LARP1B: variants seen among roughly 807,000 people sequenced by gnomAD.
The protein encoded by LARP1B is la-related protein 1B.
LARP1B carries 76 observed loss-of-function variants against 114.2 expected under a neutral mutation model. That is an observed-to-expected ratio of 0.67 (90% CI 0.55 to 0.81). LARP1B has a LOEUF of 0.81. Ranked by LOEUF, LARP1B falls within the 30% of genes least tolerant of loss-of-function variation. The pLI, the probability that LARP1B is intolerant of heterozygous loss-of-function variation, is 0.00. For synonymous variants in LARP1B, 345 were observed against 348.0 expected, an observed-to-expected ratio of 0.99 and a Z score of 0.10; for missense variants, 1,014 against 1,075.8, an observed-to-expected ratio of 0.94 and a Z score of 0.80.
At chr4:128,078,180 A>G (rs1768760081) in intron 4 of LARP1B, among the ~76,000 whole-genome samples, 1 of 152,204 alleles carries the variant, frequency 6.6e-6, no homozygotes. Context: ...AGAAAATGGA[A>G]TGGAGTTCCA....
chr4:128,098,368 T>C, intron 8 of LARP1B, 38 bp downstream of exon 8: 1 of 1,555,088 alleles, frequency 6.4e-7, no homozygotes, highest in Non-Finnish European at 8.8e-7. Flanking sequence ...TACTTTCTGC[T>C]CAAATTTCCT....
Position 128,082,229 on chromosome 4 carries a change from T to G in LARP1B, c.282T>G (p.Pro94=). The G allele has an allele frequency of 6.2e-7, 1 of 1,613,212 alleles. No homozygotes were observed. The highest frequency in any genetic ancestry group is 1.8e-4 in the Middle Eastern group (1 of 5,554). ...TAAGATCAGAGAGTCAAGAAAGACCTGGATCCCGGAACAGCTCAAGATGTC... is the reference window on the plus strand; with the variant it reads ...TAAGATCAGAGAGTCAAGAAAGACCGGGATCCCGGAACAGCTCAAGATGTC... ...DVVRSESQER[P]GSRNSSRCQP... The change falls in exon 5 of 20, where the codon CCT becomes CCG. Residue 94 remains proline, a synonymous_variant. Transcript: ENST00000326639.
At position 128,210,375 on chromosome 4, in the gene LARP1B, C is replaced by T; in HGVS notation, c.*322C>T. On this transcript the variant is annotated 3_prime_UTR_variant, in exon 20 of 20. Coordinates refer to ENST00000326639, the MANE Select transcript of LARP1B (RefSeq NM_018078.4). ...GCCATGGTTTTACAAAAACAGCATT[C>T]CTTAAATATATTTAAAAAACAATAC... 1 of 1,085,362 alleles carries T rather than the reference C, an allele frequency of 9.2e-7. No homozygotes were observed. Among genetic ancestry groups the T allele is most frequent in the Non-Finnish European group, 1.1e-6 (1 of 891,328 alleles). 67.2% of individuals were successfully genotyped at this position (1,085,362 alleles called of 1,614,324 possible).
chr4:128,151,358 C>T (rs1216939903), intron 11 of LARP1B, among the ~76,000 whole-genome samples: 2 of 152,130 alleles, frequency 1.3e-5, no homozygotes, highest in Non-Finnish European at 2.9e-5. Flanking sequence ...TTTATATTTA[C>T]ATTTCTCCAG....
chr4:128,111,043 A>ATTT (rs765576523), intron 9 of LARP1B, among the ~76,000 whole-genome samples: 5 of 136,324 alleles, frequency 3.7e-5, no homozygotes, highest in African/African-American at 1.1e-4. Context: ...AAAACTCATA[A>ATTT]TTTTTTTTTT....
intron 15 of LARP1B, among the ~76,000 whole-genome samples, chr4:128,188,692 AC>A (rs1751185165): frequency 6.6e-6 from 1 of 152,182 alleles, no homozygotes; most frequent in African/African-American, 2.4e-5. Flanking sequence ...TTGGAAAGTT[AC>A]GTTTCCATTT....
chr4:128,127,599 C>A (rs941020553), intron 11 of LARP1B, among the ~76,000 whole-genome samples: 1 of 152,126 alleles, frequency 6.6e-6, no homozygotes, highest in Admixed American at 6.6e-5. Flanking sequence ...TTCGGGAGGC[C>A]GAGGTGGGTG....
chr4:128,207,688 T>C lies in LARP1B; in HGVS notation c.2547+305T>C, dbSNP rs368040731. Among the ~76,000 whole-genome samples, 66 of 152,368 alleles carry C rather than the reference T, an allele frequency of 4.3e-4. No homozygotes were observed. The South Asian group carries it at 0.013, about 30-fold the overall frequency. On this transcript the variant is annotated intron_variant, in intron 19 of 19. Transcript: ENST00000326639. ...TTTACCTGATATGCTAATTTGTCAC[T>C]AGCAATGTGAAAACTTTTCACTTTT...
intron 11 of LARP1B, 66 bp downstream of exon 11, chr4:128,122,254 T>A: frequency 6.4e-7 from 1 of 1,567,270 alleles, no homozygotes; most frequent in Non-Finnish European, 8.6e-7. Flanking sequence ...CTGTTTATAT[T>A]TTCTCAAACT....
At chr4:128,167,853 T>C (rs1194267310) in intron 12 of LARP1B, among the ~76,000 whole-genome samples, 1 of 152,078 alleles carries the variant, frequency 6.6e-6, no homozygotes, top group African/African-American at 2.4e-5. Flanking sequence ...TTGCCATTTC[T>C]AGAATGTCAT....
In LARP1B at chr4:128,176,438, C is replaced by T. The variant is rs369371141; in HGVS notation, c.1649-434C>T. Among the ~76,000 whole-genome samples the T allele has an allele frequency of 2.5e-4, 38 of 151,346 alleles. No individual in the cohort carries two copies. In the East Asian group the frequency reaches 5.1e-3, roughly 20 times the overall value. ...CCTCCCGAGTAGCTGGGATTACAGG[C>T]GCCTGCTACCACGCCTGGCTAATTT... On this transcript the variant is annotated intron_variant, in intron 12 of 19. Coordinates refer to ENST00000326639, the MANE Select transcript of LARP1B (RefSeq NM_018078.4).
chr4:128,061,577 G>T, intron 1 of LARP1B, 176 bp downstream of exon 1: 2 of 649,750 alleles, frequency 3.1e-6, no homozygotes, highest in Non-Finnish European at 3.8e-6. Flanking sequence ...CACGGCCGCC[G>T]GGCTCTCGGG....
chr4:128,062,363 C>A, intron 1 of LARP1B: 1 of 812,774 alleles, frequency 1.2e-6, no homozygotes, highest in Non-Finnish European at 1.5e-6. Context: ...TAATTTGTTC[C>A]AAGGTGTCAT....
intron 15 of LARP1B, among the ~76,000 whole-genome samples, chr4:128,185,578 A>G (rs1750063384): frequency 6.8e-6 from 1 of 146,124 alleles, no homozygotes; most frequent in Non-Finnish European, 1.5e-5. Flanking sequence ...TGTATATTCT[A>G]GTTATTAGTC....
chr4:128,152,570 TA>T (rs1372479076), intron 11 of LARP1B, among the ~76,000 whole-genome samples: 20 of 151,966 alleles, frequency 1.3e-4, no homozygotes, highest in African/African-American at 4.6e-4. Context: ...TTTTTATTTT[TA>T]TTTTTTTATT....
At chr4:128,136,571 C>T (rs757158006) in intron 11 of LARP1B, among the ~76,000 whole-genome samples, 1 of 152,122 alleles carries the variant, frequency 6.6e-6, no homozygotes, top group Non-Finnish European at 1.5e-5. Flanking sequence ...AAGTGATTTA[C>T]TCTCTAAGTA....
At chr4:128,216,606 G>C (rs1759494206), downstream of LARP1B, among the ~76,000 whole-genome samples, 1 of 150,266 alleles carries the variant, frequency 6.7e-6, no homozygotes, top group Non-Finnish European at 1.5e-5. Context: ...CGAGAACAAA[G>C]ACACGACATA....
At chr4:128,149,078 G>T (rs900472411) in intron 11 of LARP1B, among the ~76,000 whole-genome samples, 1 of 152,134 alleles carries the variant, frequency 6.6e-6, no homozygotes, top group Admixed American at 6.5e-5. Flanking sequence ...TCATCCTTTC[G>T]TTAGGTTTTT....
chr4:128,156,861 G>A (rs1456750604), intron 11 of LARP1B, among the ~76,000 whole-genome samples: 2 of 57,632 alleles, frequency 3.5e-5, no homozygotes, highest in African/African-American at 1.3e-4. Context: ...AAGGCTTGAA[G>A]CTAAAAAAAA....
Sources: allele counts gnomAD v4.1 joint callset (sites outside exome capture counted in the v4.1 genomes callset), GRCh38; gene constraint gnomAD v4.1.1; transcripts MANE v1.5; gene names NCBI Gene and HGNC (gene_info 2026-07-23, HGNC 2026-07-21).